Variants in PDZRN4 observed in about 807,000 individuals in gnomAD.
PDZRN4 encodes the protein PDZ domain containing ring finger 4.
Under a neutral mutation model 99.0 loss-of-function variants are expected in PDZRN4, and 70 were observed. That is an observed-to-expected ratio of 0.71 (90% CI 0.58 to 0.86). PDZRN4 has a LOEUF of 0.86. PDZRN4 is among the 40% of genes least tolerant of loss of function. The pLI is 0.00. For missense variants in PDZRN4, 1,474 were observed against 1,331.2 expected (o/e 1.11, Z -1.67); for synonymous variants, 551 against 501.6 (o/e 1.10, Z -1.32).
rs1486435423 is a variant in PDZRN4 at position 41,215,765 on chromosome 12, A to G, written c.843+21577A>G. 4.0e-5 allele frequency among the ~76,000 whole-genome samples: 6 copies of G among 151,650 alleles called. No individual in the cohort carries two copies. In the East Asian group the frequency reaches 1.2e-3, roughly 30 times the overall value. On this transcript the variant is annotated intron_variant, in intron 3 of 9. Coordinates refer to ENST00000402685, the MANE Select transcript of PDZRN4 (RefSeq NM_001164595.2). ...TCTCATCCTAATACCAGTTTTCTCCACTTTCTCCCATAGTGGTCTAAATTC... is the reference window on the plus strand; with the variant it reads ...TCTCATCCTAATACCAGTTTTCTCCGCTTTCTCCCATAGTGGTCTAAATTC...
chr12:41,379,445 G>A (rs191026993), intron 3 of PDZRN4, among the ~76,000 whole-genome samples: 1 of 150,852 alleles, frequency 6.6e-6, no homozygotes, highest in South Asian at 2.1e-4. Flanking sequence ...GTTTTGTAAG[G>A]TATAAAATTA....
intron 3 of PDZRN4, chr12:41,460,100 T>C (rs1425921795): frequency 1.6e-6 from 2 of 1,279,782 alleles, no homozygotes; most frequent in Middle Eastern, 2.2e-4. Flanking sequence ...ATATTTTCTG[T>C]CAGGGGATCA....
intron 3 of PDZRN4, among the ~76,000 whole-genome samples, chr12:41,214,479 C>T (rs1326582171): frequency 3.7e-5 from 5 of 134,240 alleles, no homozygotes; most frequent in Non-Finnish European, 6.4e-5. Flanking sequence ...TTGAGAAATT[C>T]CTGAAACATA....
chr12:41,331,759 T>C (rs1204723631), intron 3 of PDZRN4, among the ~76,000 whole-genome samples: 1 of 152,042 alleles, frequency 6.6e-6, no homozygotes, highest in Non-Finnish European at 1.5e-5. Context: ...GAAAGGCACC[T>C]CTTTATAGGG....
intron 2 of PDZRN4, among the ~76,000 whole-genome samples, chr12:41,192,894 G>A (rs1301013756): frequency 6.6e-6 from 1 of 152,158 alleles, no homozygotes. Context: ...TTGAATTCCT[G>A]TGTCAACTTA....
chr12:41,552,589 G>A (rs755967975), intron 5 of PDZRN4, 67 bp from the exon 6 acceptor site: 1 of 1,193,898 alleles, frequency 8.4e-7, no homozygotes, highest in Non-Finnish European at 1.2e-6. Context: ...GAATATCAGT[G>A]AGTTCTCCAT....
chr12:41,404,407 A>G (rs947065644), intron 3 of PDZRN4, among the ~76,000 whole-genome samples: 11 of 152,148 alleles, frequency 7.2e-5, no homozygotes, highest in African/African-American at 2.7e-4. Flanking sequence ...CTCCTTTACA[A>G]TAGCCACAAA....
chr12:41,559,524 T>A (rs1463855818), intron 7 of PDZRN4, among the ~76,000 whole-genome samples: 1 of 152,148 alleles, frequency 6.6e-6, no homozygotes, highest in Non-Finnish European at 1.5e-5. Context: ...TGCTATATTC[T>A]CCTTTTCTCC....
In PDZRN4 at chr12:41,390,370, G is replaced by A. The variant is rs117874328; in HGVS notation, c.844-116086G>A. 6.5e-4 allele frequency among the ~76,000 whole-genome samples: 98 copies of A among 151,930 alleles called. No individual in the cohort carries two copies. The East Asian group carries it at 0.016, about 24-fold the overall frequency. On this transcript the variant is annotated intron_variant, in intron 3 of 9. Coordinates refer to ENST00000402685, the MANE Select transcript of PDZRN4 (RefSeq NM_001164595.2). ...GTTTTTGCTATACCATTTTATTTCC[G>A]AAGTTGATTGGGCTGCTCATTTGTC...
At chr12:41,447,794 G>T (rs1254710198) in intron 3 of PDZRN4, among the ~76,000 whole-genome samples, 1 of 151,946 alleles carries the variant, frequency 6.6e-6, no homozygotes, top group Admixed American at 6.6e-5. Flanking sequence ...TCATTTTATT[G>T]TAAATACCAA....
At chr12:41,468,928 G>A (rs1341292528) in intron 3 of PDZRN4, among the ~76,000 whole-genome samples, 4 of 151,670 alleles carry the variant, frequency 2.6e-5, no homozygotes, top group African/African-American at 9.7e-5. Flanking sequence ...AGAATCGCTT[G>A]AACCCAGTAG....
chr12:41,198,657 G>A (rs996533180), intron 3 of PDZRN4, among the ~76,000 whole-genome samples: 1 of 150,302 alleles, frequency 6.7e-6, no homozygotes, highest in Non-Finnish European at 1.5e-5. Flanking sequence ...TATACCTAAT[G>A]CTAAATGACG....
rs143761821 is a variant in PDZRN4, at chr12:41,349,536, T to A, written c.843+155348T>A. 3.1e-3 allele frequency among the ~76,000 whole-genome samples: 472 copies of A among 152,096 alleles called. 5 individuals are homozygous for A. The highest frequency in any genetic ancestry group is 0.011 in the African/African-American group (449 of 41,548). ...TTGAGATAAATAAATATTAATTTAT[T>A]AGGCTTTATGTAACTGAAAAGACTC... On this transcript the variant is annotated intron_variant, in intron 3 of 9. Coordinates refer to ENST00000402685, the MANE Select transcript of PDZRN4 (RefSeq NM_001164595.2).
At chr12:41,269,178 G>A (rs1448543129) in intron 3 of PDZRN4, among the ~76,000 whole-genome samples, 5 of 152,172 alleles carry the variant, frequency 3.3e-5, no homozygotes, top group African/African-American at 1.2e-4. Context: ...AGTACTGCTA[G>A]TGTCCATGAA....
intron 3 of PDZRN4, among the ~76,000 whole-genome samples, chr12:41,458,896 C>T (rs1223042470): frequency 6.6e-6 from 1 of 152,076 alleles, no homozygotes; most frequent in Non-Finnish European, 1.5e-5. Context: ...AGAAAGAAGT[C>T]ACAGAAGTTT....
At chr12:41,515,831 G>A (rs1028469086) in intron 5 of PDZRN4, among the ~76,000 whole-genome samples, 3 of 151,824 alleles carry the variant, frequency 2.0e-5, no homozygotes, top group African/African-American at 7.3e-5. Flanking sequence ...ACCTTCTCAA[G>A]TGTGACTCTC....
intron 3 of PDZRN4, among the ~76,000 whole-genome samples, chr12:41,330,689 T>C (rs913871316): frequency 1.3e-5 from 2 of 152,056 alleles, no homozygotes; most frequent in South Asian, 2.1e-4. Flanking sequence ...TAGGTCAATA[T>C]GCAAGTGAAG....
chr12:41,524,074 T>C (rs1231581779), intron 5 of PDZRN4, among the ~76,000 whole-genome samples: 1 of 152,162 alleles, frequency 6.6e-6, no homozygotes, highest in Non-Finnish European at 1.5e-5. Flanking sequence ...CAAGGAACTG[T>C]CTGAAAAGGA....
intron 3 of PDZRN4, among the ~76,000 whole-genome samples, chr12:41,498,590 T>G (rs1004870478): frequency 1.3e-5 from 2 of 152,086 alleles, no homozygotes; most frequent in South Asian, 2.1e-4. Flanking sequence ...CATTAATCCA[T>G]CCGTCAGTGC....
Sources: gnomAD v4.1 joint callset for allele counts (sites outside exome capture counted in the v4.1 genomes callset) on GRCh38, gnomAD v4.1.1 for gene constraint, MANE v1.5 for transcripts, NCBI Gene and HGNC (gene_info 2026-07-23, HGNC 2026-07-21) for gene names.